The following LPP variants were observed in gnomAD, a reference collection of about 807,000 sequenced individuals.
LPP encodes lipoma-preferred partner.
LPP carries 38 observed loss-of-function variants against 60.4 expected under a neutral mutation model. The observed-to-expected ratio is 0.63, with a 90% CI of 0.49 to 0.83. The LOEUF (loss-of-function observed/expected upper bound fraction) is 0.83, where lower values mean the gene tolerates loss of function less well. LPP is among the 40% of genes least tolerant of loss of function. LPP has a pLI of 0.00. For missense variants in LPP, 902 were observed against 783.6 expected (o/e 1.15, Z -1.80); for synonymous variants, 328 against 290.8 (o/e 1.13, Z -1.30).
At chr3:188,219,705 C>T (rs908888353) in intron 1 of LPP, among the ~76,000 whole-genome samples, 3 of 152,190 alleles carry the variant, frequency 2.0e-5, no homozygotes, top group Admixed American at 6.5e-5. Flanking sequence ...ACACCAACAT[C>T]GGTCCACTGT....
intron 1 of LPP, among the ~76,000 whole-genome samples, chr3:188,213,599 A>G (rs1057210513): frequency 2.0e-5 from 3 of 152,140 alleles, no homozygotes; most frequent in African/African-American, 4.8e-5. Flanking sequence ...GTTAGGATAT[A>G]TGGGCTCAGA....
chr3:188,176,533 C>T (rs953398891), intron 1 of LPP, among the ~76,000 whole-genome samples: 19 of 152,020 alleles, frequency 1.2e-4, no homozygotes, highest in African/African-American at 4.6e-4. Context: ...ATCTTACCCC[C>T]TTTGCCTGAT....
chr3:188,370,953 T>G (rs542061856), intron 3 of LPP, among the ~76,000 whole-genome samples: 91 of 152,330 alleles, frequency 6.0e-4, no homozygotes, highest in African/African-American at 2.1e-3. Context: ...TTTCTTGGGC[T>G]CTGCTTATAT....
chr3:188,501,156 C>T (rs1477360320), intron 5 of LPP, among the ~76,000 whole-genome samples: 6 of 151,702 alleles, frequency 4.0e-5, no homozygotes, highest in Admixed American at 6.6e-5. Context: ...GTTGGTTTGA[C>T]GTCTTTCTTA....
chr3:188,308,774 G>A (rs1021064800), intron 2 of LPP, among the ~76,000 whole-genome samples: 65 of 152,154 alleles, frequency 4.3e-4, no homozygotes, highest in Admixed American at 4.2e-3. Flanking sequence ...TCAAGGACTT[G>A]ATCTTCCCAC....
intron 5 of LPP, among the ~76,000 whole-genome samples, chr3:188,510,448 G>A (rs528710837): frequency 1.6e-4 from 24 of 152,290 alleles, no homozygotes; most frequent in African/African-American, 5.3e-4. Context: ...CTAAAAATAG[G>A]AATTTCTGCT....
chr3:188,188,985 A>G (rs888634082), intron 1 of LPP, among the ~76,000 whole-genome samples: 2 of 152,166 alleles, frequency 1.3e-5, no homozygotes, highest in Admixed American at 6.5e-5. Flanking sequence ...CTCACAGTCT[A>G]ATTATTTTGG....
chr3:188,496,476 A>G (rs1299454350), intron 5 of LPP, among the ~76,000 whole-genome samples: 1 of 152,106 alleles, frequency 6.6e-6, no homozygotes, highest in Non-Finnish European at 1.5e-5. Flanking sequence ...TCTCACTTGA[A>G]CCTTTAGACA....
chr3:188,466,322 G>A (rs988528509), intron 4 of LPP, among the ~76,000 whole-genome samples: 1 of 152,000 alleles, frequency 6.6e-6, no homozygotes, highest in Non-Finnish European at 1.5e-5. Context: ...TTAGGTTAAC[G>A]GCCATCTTAT....
intron 9 of LPP, among the ~76,000 whole-genome samples, chr3:188,796,259 C>T (rs574933653): frequency 1.3e-5 from 2 of 152,262 alleles, no homozygotes; most frequent in Admixed American, 1.3e-4. Flanking sequence ...GACAGTGCAG[C>T]ACGCTGATTT....
In LPP at chr3:188,154,212, G is replaced by GCCACCACCA. The variant is rs575575843; in HGVS notation, c.-227_-219dup. On this transcript the variant is annotated 5_prime_UTR_variant, in exon 1 of 12. Transcript: ENST00000617246. ...AGCCGCCGCCGCCGCCGCCGCCGCC[G>GCCACCACCA]CCACCACCACCGCCGCTGCCCCGGC... Among the ~76,000 whole-genome samples the GCCACCACCA allele has an allele frequency of 1.3e-5, 2 of 151,622 alleles. No homozygotes were observed. Among genetic ancestry groups the GCCACCACCA allele is most frequent in the African/African-American group, 4.8e-5 (2 of 41,352 alleles).
At chr3:188,804,819 G>A (rs1748586158) in intron 9 of LPP, among the ~76,000 whole-genome samples, 1 of 152,060 alleles carries the variant, frequency 6.6e-6, no homozygotes, top group Admixed American at 6.5e-5. Context: ...TAAGTGTAAT[G>A]TTAGAAGTAA....
chr3:188,466,842 T>TATATATATATA (rs1800587216), intron 4 of LPP, among the ~76,000 whole-genome samples: 1 of 138,306 alleles, frequency 7.2e-6, no homozygotes, highest in Non-Finnish European at 1.6e-5. Flanking sequence ...TATATATATA[T>TATATATATATA]GCTGTGTAAA....
chr3:188,523,737 C>G (rs1378294961), intron 5 of LPP, among the ~76,000 whole-genome samples: 1 of 152,206 alleles, frequency 6.6e-6, no homozygotes, highest in Admixed American at 6.5e-5. Flanking sequence ...TAACTTTCCA[C>G]TATTGTATTG....
At chr3:188,275,630 C>T (rs1306139134) in intron 2 of LPP, among the ~76,000 whole-genome samples, 1 of 152,138 alleles carries the variant, frequency 6.6e-6, no homozygotes, top group Non-Finnish European at 1.5e-5. Context: ...TCCAGTCTAA[C>T]TGGGCATCAT....
intron 2 of LPP, among the ~76,000 whole-genome samples, chr3:188,303,701 C>T (rs534210596): frequency 2.0e-5 from 3 of 152,116 alleles, no homozygotes; most frequent in Non-Finnish European, 4.4e-5. Flanking sequence ...ATGAGGAGAT[C>T]AGATGTTTTA....
intron 4 of LPP, among the ~76,000 whole-genome samples, chr3:188,479,146 T>C (rs1327275747): frequency 6.6e-6 from 1 of 152,202 alleles, no homozygotes; most frequent in African/African-American, 2.4e-5. Flanking sequence ...TGTGTGTGCG[T>C]GTGTGTGTAG....
At chr3:188,388,147 A>G (rs1778816831) in intron 3 of LPP, among the ~76,000 whole-genome samples, 2 of 152,128 alleles carry the variant, frequency 1.3e-5, no homozygotes, top group South Asian at 4.1e-4. Flanking sequence ...CAAAGAGGAA[A>G]CATTTTAGTG....
chr3:188,439,966 C>T (rs1290767002), intron 4 of LPP, among the ~76,000 whole-genome samples: 3 of 152,152 alleles, frequency 2.0e-5, no homozygotes, highest in Admixed American at 6.5e-5. Context: ...CTCATCTATG[C>T]CCCCACCCTC....
Sources: gnomAD v4.1 joint callset for allele counts (sites outside exome capture counted in the v4.1 genomes callset) on GRCh38, gnomAD v4.1.1 for gene constraint, MANE v1.5 for transcripts, NCBI Gene and HGNC (gene_info 2026-07-23, HGNC 2026-07-21) for gene names.